EHD4: variants seen among roughly 807,000 people sequenced by gnomAD.
EHD4 encodes the protein EH domain-containing protein 4.
Under a neutral mutation model 51.0 loss-of-function variants are expected in EHD4, and 37 were observed. The observed-to-expected ratio is 0.73, with a 90% CI of 0.56 to 0.95. The LOEUF is 0.95. Among genes scored for constraint, EHD4 ranks in the 40% least tolerant of loss-of-function variants. The probability of loss-of-function intolerance (pLI) is 0.00; values close to 1 mark genes in which losing one functional copy is unlikely to be tolerated. For missense variants in EHD4, 632 were observed against 733.1 expected, an observed-to-expected ratio of 0.86 and a Z score of 1.59; for synonymous variants, 297 against 317.3, an observed-to-expected ratio of 0.94 and a Z score of 0.68.
At chr15:41,969,800 A>T (rs1011754350) in intron 1 of EHD4, among the ~76,000 whole-genome samples, 4 of 152,160 alleles carry the variant, frequency 2.6e-5, no homozygotes, top group African/African-American at 9.7e-5. Flanking sequence ...CTTTATTGCC[A>T]GTCAAAGGCA....
At chr15:41,903,022 C>A (rs1265996879) in intron 5 of EHD4, among the ~76,000 whole-genome samples, 1 of 151,326 alleles carries the variant, frequency 6.6e-6, no homozygotes, top group Non-Finnish European at 1.5e-5. Flanking sequence ...CTCTGAACTG[C>A]GAGAGTTACC....
intron 4 of EHD4, among the ~76,000 whole-genome samples, chr15:41,917,365 C>A (rs978566537): frequency 6.6e-6 from 1 of 152,068 alleles, no homozygotes; most frequent in Admixed American, 6.5e-5. Flanking sequence ...GTGATCCACC[C>A]GCCTCCGACT....
chr15:41,931,031 A>AT (rs1396518420), intron 3 of EHD4, among the ~76,000 whole-genome samples: 1 of 152,162 alleles, frequency 6.6e-6, no homozygotes. Flanking sequence ...CTACAGTGGC[A>AT]TTTTTGGCAC....
chr15:41,923,290 T>C (rs530088480), intron 3 of EHD4, among the ~76,000 whole-genome samples: 1 of 152,310 alleles, frequency 6.6e-6, no homozygotes, highest in East Asian at 1.9e-4. Flanking sequence ...AAGGTCCATC[T>C]GTGGTGTAGC....
At chr15:41,915,255 T>C (rs2067576449) in intron 4 of EHD4, among the ~76,000 whole-genome samples, 1 of 152,210 alleles carries the variant, frequency 6.6e-6, no homozygotes, top group African/African-American at 2.4e-5. Flanking sequence ...TTTGATGACA[T>C]TTAGTAGAGA....
intron 2 of EHD4, 91 bp downstream of exon 2, chr15:41,953,673 T>C: frequency 7.3e-7 from 1 of 1,362,284 alleles, no homozygotes; most frequent in South Asian, 1.5e-5. Context: ...TTCTTTGTTC[T>C]TCTGTTTTTG....
At chr15:41,905,363 C>G (rs910441601) in intron 5 of EHD4, among the ~76,000 whole-genome samples, 1 of 152,194 alleles carries the variant, frequency 6.6e-6, no homozygotes, top group Non-Finnish European at 1.5e-5. Flanking sequence ...AACCCCTGGT[C>G]TATAAGCCCT....
Position 41,901,044 on chromosome 15 carries a change from C to T in EHD4, c.1227G>A (p.Thr409=), listed in dbSNP as rs2067474557. The change falls in exon 6 of 6, where the codon ACG becomes ACA. Residue 409 remains threonine (T), a synonymous_variant. Transcript: ENST00000220325. Reference sequence around the variant, plus strand: ...CGAAGGCGCCGCCCTGCACCAGCTGCGTGGGCGTGCTCGTCTCCTCCTGGC... The same window carrying T: ...CGAAGGCGCCGCCCTGCACCAGCTGTGTGGGCGTGCTCGTCTCCTCCTGGC... ...LISQEETSTP[T]QLVQGGAFDG... is the part of the protein sequence containing the mutation. The T allele has an allele frequency of 3.7e-6, 6 of 1,612,142 alleles. No individual in the cohort carries two copies. Among genetic ancestry groups the T allele is most frequent in the Admixed American group, 1.7e-5 (1 of 59,858 alleles).
rs2067440362 is a variant in EHD4 at position 41,896,600 on chromosome 15, G to C, written c.*4045C>G. On this transcript the variant is annotated 3_prime_UTR_variant, in exon 6 of 6. Transcript: ENST00000220325. ...CCACCAAAAAGGTAGATGGGTTGGT[G>C]GGAAAAGCCAGATGCCTACTATGGT... is the stretch of plus-strand genomic sequence containing the variant. 6.6e-6 allele frequency: 1 copy of C among 151,806 alleles called. No individual in the cohort carries two copies. The highest frequency in any genetic ancestry group is 2.1e-4 in the South Asian group (1 of 4,784). 9.4% of individuals were successfully genotyped at this position (151,806 alleles called of 1,614,324 possible).
intron 2 of EHD4, among the ~76,000 whole-genome samples, chr15:41,952,704 C>T (rs771141281): frequency 1.3e-5 from 2 of 152,086 alleles, no homozygotes; most frequent in Non-Finnish European, 2.9e-5. Context: ...ATAGTGACCA[C>T]GTAGGCTGGG....
intron 5 of EHD4, among the ~76,000 whole-genome samples, chr15:41,901,767 T>G (rs1233247392): frequency 1.3e-5 from 2 of 152,202 alleles, no homozygotes; most frequent in African/African-American, 4.8e-5. Context: ...TCTTAGTGGC[T>G]CTAACCTCTT....
In EHD4 at chr15:41,932,371, T is replaced by C. The variant is rs373233872; in HGVS notation, c.511+10696A>G. On this transcript the variant is annotated intron_variant, in intron 3 of 5. Coordinates refer to ENST00000220325, the MANE Select transcript of EHD4 (RefSeq NM_139265.4). ...GCTCTGGGAGAGGAACTGGGGGATA[T>C]GGGTGGTACAGACATTCTTCACTAT... Among the ~76,000 whole-genome samples, 275 of 152,236 alleles carry C rather than the reference T, an allele frequency of 1.8e-3. 3 individuals are homozygous for C. Among genetic ancestry groups the C allele is most frequent in the South Asian group, 0.01 (50 of 4,814 alleles).
At chr15:41,946,162 T>G (rs1277509295) in intron 2 of EHD4, among the ~76,000 whole-genome samples, 4 of 152,242 alleles carry the variant, frequency 2.6e-5, no homozygotes, top group Non-Finnish European at 5.9e-5. Flanking sequence ...AAGGAGGATC[T>G]GTGCCTTGCC....
At chr15:41,957,343 G>T (rs1250054924) in intron 1 of EHD4, among the ~76,000 whole-genome samples, 2 of 151,978 alleles carry the variant, frequency 1.3e-5, no homozygotes, top group Non-Finnish European at 2.9e-5. Flanking sequence ...AATAAATAAA[G>T]AAAAAATAAA....
intron 4 of EHD4, 53 bp downstream of exon 4, chr15:41,919,157 G>A (rs1403008070): frequency 6.2e-7 from 1 of 1,606,792 alleles, no homozygotes; most frequent in Non-Finnish European, 8.5e-7. Flanking sequence ...CTCTGGAGAG[G>A]AGACAGCAGA....
At chr15:41,906,840 G>C (rs113760667) in intron 5 of EHD4, among the ~76,000 whole-genome samples, 7,484 of 152,322 alleles carry the variant, frequency 0.049, 280 homozygotes, top group Non-Finnish European at 0.064. Flanking sequence ...TGGCTGGCTG[G>C]ATCCTGCACT....
At chr15:41,932,646 G>C (rs963429965) in intron 3 of EHD4, among the ~76,000 whole-genome samples, 7 of 152,180 alleles carry the variant, frequency 4.6e-5, no homozygotes, top group Non-Finnish European at 1.0e-4. Context: ...AATTGGAGGA[G>C]TGCCAGAAGC....
intron 2 of EHD4, among the ~76,000 whole-genome samples, chr15:41,945,478 T>TA (rs2067805551): frequency 6.6e-6 from 1 of 151,910 alleles, no homozygotes. Flanking sequence ...CCAGGATGGC[T>TA]GAAAAAGAGA....
intron 3 of EHD4, among the ~76,000 whole-genome samples, chr15:41,925,448 G>A (rs997540291): frequency 2.2e-4 from 34 of 152,196 alleles, no homozygotes; most frequent in Non-Finnish European, 3.1e-4. Flanking sequence ...ACAATGCAAC[G>A]TGGCCTGGGG....
Sources: gnomAD v4.1 joint callset for allele counts (sites outside exome capture counted in the v4.1 genomes callset) on GRCh38, gnomAD v4.1.1 for gene constraint, MANE v1.5 for transcripts, NCBI Gene and HGNC (gene_info 2026-07-23, HGNC 2026-07-21) for gene names.